Variants in IRAK3 observed in about 807,000 individuals in gnomAD.
IRAK3 encodes the protein interleukin 1 receptor associated kinase 3, also known as interleukin-1 receptor-associated kinase 3.
Under a neutral mutation model 56.6 loss-of-function variants are expected in IRAK3, and 57 were observed. The observed-to-expected ratio is 1.01, with a 90% CI of 0.81 to 1.26. The LOEUF is 1.26. IRAK3 is among the 50% of genes most tolerant of loss of function. The pLI is 0.00. For missense variants in IRAK3, 703 were observed against 719.0 expected (o/e 0.98, Z 0.25); for synonymous variants, 258 against 255.7 (o/e 1.01, Z -0.09).
rs779252672 is a variant in IRAK3, at chr12:66,226,849, C to G, written c.768+12C>G. ...GATTGCAGTGTGTAGTAAGTTCTAT[C>G]TATTATTCTGTCTGATCCTCTGACC... On this transcript the variant is annotated intron_variant, in intron 7 of 11. Transcript: ENST00000261233. 1.4e-6 allele frequency: 2 copies of G among 1,428,878 alleles called. No individual in the cohort carries two copies. The highest frequency in any genetic ancestry group is 2.0e-6 in the Non-Finnish European group (2 of 1,011,014). The allele number at this position is 1,428,878 out of a possible 1,614,324, so 88.5% of individuals were successfully genotyped here. A position where few individuals can be genotyped will look rare whatever the true frequency, so the allele number is the denominator to read the frequency against.
chr12:66,217,192 A>G lies in IRAK3; in HGVS notation c.610A>G (p.Lys204Glu), dbSNP rs2052685561. 1 of 1,610,690 alleles carries G rather than the reference A, an allele frequency of 6.2e-7. No individual in the cohort carries two copies. The highest frequency in any genetic ancestry group is 8.5e-7 in the Non-Finnish European group (1 of 1,176,946). Residue 204 changes from lysine to glutamate, a missense_variant, in exon 6 of 12, where the codon AAG becomes GAG. Transcript: ENST00000261233. ...FKQEKKMQCK[K>E]HWKRFLSELE... ...GTAGGAGAAAAAAATGCAGTGTAAG[A>G]AGCATTGGAAGAGGTTTTTATCTGA...
rs113771362 is a variant in IRAK3 at position 66,233,786 on chromosome 12, C to CTT, written c.887+5427_887+5428dup. 5.1e-4 allele frequency among the ~76,000 whole-genome samples: 72 copies of CTT among 140,238 alleles called. No homozygotes were observed. The East Asian group carries it at 7.3e-3, about 14-fold the overall frequency. 92.0% of individuals were successfully genotyped at this position (140,238 alleles called of 152,430 possible). A position where few individuals can be genotyped will look rare whatever the true frequency, so the allele number is the denominator to read the frequency against. ...AAGTTTTCTTTTCTTTTTTCTTTTTCTTTTTTTTTTTTGCATCATAACATT... is the reference window on the plus strand; with the variant it reads ...AAGTTTTCTTTTCTTTTTTCTTTTTCTTTTTTTTTTTTTTGCATCATAACATT... On this transcript the variant is annotated intron_variant, in intron 8 of 11. Transcript: ENST00000261233.
At chr12:66,226,094 GTGT>G (rs1011351387) in intron 6 of IRAK3, among the ~76,000 whole-genome samples, 4 of 152,044 alleles carry the variant, frequency 2.6e-5, no homozygotes, top group Admixed American at 2.6e-4. Context: ...ATATTGAATA[GTGT>G]TGTCTATCTT....
At chr12:66,244,714 G>A (rs757054477) in intron 9 of IRAK3, 30 bp downstream of exon 9, 6 of 1,560,478 alleles carry the variant, frequency 3.8e-6, no homozygotes, top group Non-Finnish European at 5.3e-6. Flanking sequence ...TAACAAAGGA[G>A]AGTTTATTGC....
In IRAK3 at chr12:66,244,397, A is replaced by AT; in HGVS notation, c.888-88dup. 3 of 907,788 alleles carry AT rather than the reference A, an allele frequency of 3.3e-6. No individual in the cohort carries two copies. In the South Asian group the frequency reaches 4.1e-5, roughly 12 times the overall value. 56.2% of individuals were successfully genotyped at this position (907,788 alleles called of 1,614,324 possible). ...TTTGACAGTGTTTCGAATTAACCAGATATGAAGAAGGTGAGTTTATAGTAT... is the reference window on the plus strand; with the variant it reads ...TTTGACAGTGTTTCGAATTAACCAGATTATGAAGAAGGTGAGTTTATAGTAT... On this transcript the variant is annotated intron_variant, in intron 8 of 11. Transcript: ENST00000261233.
intron 1 of IRAK3, among the ~76,000 whole-genome samples, chr12:66,194,657 G>A (rs937877033): frequency 1.3e-5 from 2 of 151,772 alleles, no homozygotes; most frequent in Non-Finnish European, 1.5e-5. Context: ...GTGAAACCCC[G>A]TCTCTACTAA....
At chr12:66,234,614 C>T (rs530471213) in intron 8 of IRAK3, 1 of 1,611,660 alleles carries the variant, frequency 6.2e-7, no homozygotes. Context: ...CTTTTTCTGT[C>T]CTCCATCAGA....
At chr12:66,211,302 C>G in intron 4 of IRAK3, 144 bp from the exon 5 acceptor site, 1 of 618,188 alleles carries the variant, frequency 1.6e-6, no homozygotes, top group South Asian at 1.9e-5. Flanking sequence ...GCAGAGAGCA[C>G]ATGGTGGTCT....
In IRAK3 at chr12:66,245,213, C is replaced by T. The variant is rs773009494; in HGVS notation, c.1265C>T (p.Ala422Val). The T allele has an allele frequency of 6.2e-7, 1 of 1,614,166 alleles. No homozygotes were observed. Among genetic ancestry groups the T allele is most frequent in the Non-Finnish European group, 8.5e-7 (1 of 1,180,026 alleles). The change falls in exon 11 of 12, where the codon GCA (alanine) becomes GTA (valine). Residue 422 changes from alanine (A) to valine (V), a missense_variant. Coordinates refer to ENST00000261233, the MANE Select transcript of IRAK3 (RefSeq NM_007199.3). Reference protein sequence around the residue: ...RNFSAKLFCLAGRCAATRAKL... With the variant: ...RNFSAKLFCLVGRCAATRAKL... ...TTCTCTGCCAAGCTCTTCTGTTTGG[C>T]AGGCCGGTGTGCTGCAACGCGGGCA...
At chr12:66,230,385 G>T (rs981886444) in intron 8 of IRAK3, among the ~76,000 whole-genome samples, 3 of 152,192 alleles carry the variant, frequency 2.0e-5, no homozygotes, top group African/African-American at 7.2e-5. Flanking sequence ...TGGAGAGGTT[G>T]AGTTGGGATA....
In IRAK3 at chr12:66,249,489, C is replaced by T. The variant is rs1418291864; in HGVS notation, c.*1318C>T. 3 of 152,194 alleles carry T rather than the reference C, an allele frequency of 2.0e-5. No homozygotes were observed. Among genetic ancestry groups the T allele is most frequent in the African/African-American group, 7.2e-5 (3 of 41,438 alleles). 9.4% of individuals were successfully genotyped at this position (152,194 alleles called of 1,614,324 possible). A position where few individuals can be genotyped will look rare whatever the true frequency, so the allele number is the denominator to read the frequency against. On this transcript the variant is annotated 3_prime_UTR_variant, in exon 12 of 12. Coordinates refer to ENST00000261233, the MANE Select transcript of IRAK3 (RefSeq NM_007199.3). The stretch of plus-strand genomic sequence containing the variant: ...TTCATCTCTTTTACTAGGTTGTAAA[C>T]TCCCTATATTAGTTTTCTATTGTTT...
intron 5 of IRAK3, among the ~76,000 whole-genome samples, chr12:66,212,290 A>G (rs1184255621): frequency 1.3e-5 from 2 of 152,098 alleles, no homozygotes; most frequent in African/African-American, 2.4e-5. Context: ...TTCTATCACA[A>G]CTCAGAAGGG....
rs894738600 is a variant in IRAK3 at position 66,197,272 on chromosome 12, C to T, written c.134-6439C>T. 176 of 1,143,544 alleles carry T rather than the reference C, an allele frequency of 1.5e-4. No individual in the cohort carries two copies. The African/African-American group carries it at 2.7e-3, about 18-fold the overall frequency. 70.8% of individuals were successfully genotyped at this position (1,143,544 alleles called of 1,614,324 possible). A position where few individuals can be genotyped will look rare whatever the true frequency, so the allele number is the denominator to read the frequency against. On this transcript the variant is annotated intron_variant, in intron 1 of 11. Transcript: ENST00000261233. ...TATCAACATAATTAGTCATTGAGAACTTTTCTCTGTATTTTTATTTGATAT... is the reference window on the plus strand; with the variant it reads ...TATCAACATAATTAGTCATTGAGAATTTTTCTCTGTATTTTTATTTGATAT...
rs138641434 is a variant in IRAK3 at position 66,223,486 on chromosome 12, C to A, written c.654-3237C>A. Among the ~76,000 whole-genome samples the A allele has an allele frequency of 4.8e-4, 72 of 151,444 alleles. 1 individual carries two copies. The highest frequency in any genetic ancestry group is 1.7e-3 in the African/African-American group (72 of 41,352). On this transcript the variant is annotated intron_variant, in intron 6 of 11. Coordinates refer to ENST00000261233, the MANE Select transcript of IRAK3 (RefSeq NM_007199.3). ...CATCCTGGCTAACACTGTGAAACCC[C>A]GTCTCTACTAAAAATACAAAACATT...
rs140116682 is a variant in IRAK3 at position 66,248,096 on chromosome 12, C to A, written c.1716C>A (p.Cys572Ter). 6.2e-7 allele frequency: 1 copy of A among 1,602,118 alleles called. No homozygotes were observed. The change falls in exon 12 of 12, where the codon TGC (cysteine) becomes TGA (stop). Residue 572 changes from cysteine (C) to a stop codon, truncating the protein, a stop_gained. Transcript: ENST00000261233. LOFTEE classifies it low-confidence loss of function (END_TRUNC). The part of the protein sequence containing the change: ...DPSSEAPGHS[C>*]RSRPVESSCS... ...CTTCAGAAGCTCCAGGGCATTCTTGCAGGAGCAGGCCAGTGGAGAGCAGCT... is the reference window on the plus strand; with the variant it reads ...CTTCAGAAGCTCCAGGGCATTCTTGAAGGAGCAGGCCAGTGGAGAGCAGCT...
chr12:66,226,862 T>TCAGACA, intron 7 of IRAK3, 25 bp downstream of exon 7: 2 of 1,313,036 alleles, frequency 1.5e-6, no homozygotes, highest in Non-Finnish European at 2.2e-6. Flanking sequence ...TTATTCTGTC[T>TCAGACA]GATCCTCTGA....
At chr12:66,205,753 A>T (rs2052552522) in intron 2 of IRAK3, among the ~76,000 whole-genome samples, 1 of 152,140 alleles carries the variant, frequency 6.6e-6, no homozygotes, top group African/African-American at 2.4e-5. Context: ...ATTTTAGAAG[A>T]ATTTGGGGCT....
rs370972433 is a variant in IRAK3 at position 66,247,936 on chromosome 12, T to C, written c.1556T>C (p.Leu519Ser). The C allele has an allele frequency of 4.4e-5, 71 of 1,613,884 alleles. No individual in the cohort carries two copies. Among genetic ancestry groups the C allele is most frequent in the Non-Finnish European group, 6.0e-5 (71 of 1,179,966 alleles). The change falls in exon 12 of 12, where the codon TTG becomes TCG. Residue 519 changes from leucine to serine, a missense_variant. Coordinates refer to ENST00000261233, the MANE Select transcript of IRAK3 (RefSeq NM_007199.3). ...CSQSEVMFLSLDKKPESKRNE... is the reference protein window; with the variant it reads ...CSQSEVMFLSSDKKPESKRNE... The stretch of plus-strand genomic sequence containing the variant: ...CAGTCTGAGGTTATGTTTCTGAGCT[T>C]GGACAAAAAGCCAGAGAGCAAGAGA...
intron 5 of IRAK3, among the ~76,000 whole-genome samples, chr12:66,212,126 G>A (rs919176510): frequency 3.7e-4 from 46 of 125,266 alleles, no homozygotes; most frequent in Non-Finnish European, 6.7e-4. Context: ...AAAAAAAAAA[G>A]ACTTCTGAAA....
Sources: gnomAD v4.1 joint callset for allele counts (sites outside exome capture counted in the v4.1 genomes callset) on GRCh38, gnomAD v4.1.1 for gene constraint, MANE v1.5 for transcripts, NCBI Gene and HGNC (gene_info 2026-07-23, HGNC 2026-07-21) for gene names.